ABCA12: variants seen among roughly 807,000 people sequenced by gnomAD.
The protein encoded by ABCA12 is glucosylceramide transporter ABCA12.
In ABCA12, 156 loss-of-function variants were observed where a neutral mutation model predicts 293.5. That is an observed-to-expected ratio of 0.53 (90% CI 0.47 to 0.61). The LOEUF (loss-of-function observed/expected upper bound fraction) is 0.61, where lower values mean the gene tolerates loss of function less well. Among genes scored for constraint, ABCA12 ranks in the 20% least tolerant of loss-of-function variants. The probability of loss-of-function intolerance (pLI) is 0.00; values close to 1 mark genes in which losing one functional copy is unlikely to be tolerated. For synonymous variants in ABCA12, 1,063 were observed against 1,108.0 expected (o/e 0.96, Z 0.81); for missense variants, 2,797 against 3,090.2 (o/e 0.91, Z 2.25).
chr2:215,101,715 C>G (rs1410591936), intron 2 of ABCA12, among the ~76,000 whole-genome samples: 2 of 152,000 alleles, frequency 1.3e-5, no homozygotes, highest in Non-Finnish European at 1.5e-5. Flanking sequence ...AAGAGTAATT[C>G]TCTATTTTTA....
intron 2 of ABCA12, among the ~76,000 whole-genome samples, chr2:215,090,722 T>A (rs555858350): frequency 6.8e-4 from 104 of 152,256 alleles, no homozygotes; most frequent in Non-Finnish European, 1.2e-3. Context: ...TTCACCTTAG[T>A]GGCAAGTACC....
At position 214,987,755 on chromosome 2, in the gene ABCA12, G is replaced by T; in HGVS notation, c.3868C>A (p.Leu1290Ile). The T allele has an allele frequency of 6.2e-7, 1 of 1,613,986 alleles. No individual in the cohort carries two copies. ...GMAAPWYFPI[L>I]PSYWKERFGC... ...AATCGCTCCTTCCAATAGGAAGGAA[G>T]AATTGGAAAATACCAGGGAGCTGCC... The change falls in exon 27 of 53, where the codon CTT becomes ATT. Residue 1290 changes from leucine (L) to isoleucine (I), a missense_variant. By Grantham distance (5) the Leu-to-Ile change is conservative. Coordinates refer to ENST00000272895, the MANE Select transcript of ABCA12 (RefSeq NM_173076.3).
intron 7 of ABCA12, among the ~76,000 whole-genome samples, chr2:215,042,935 A>G (rs79212012): frequency 1.5e-3 from 229 of 152,210 alleles, no homozygotes; most frequent in African/African-American, 5.3e-3. Context: ...AAATGAGATT[A>G]TGTAGTATTT....
chr2:215,092,577 C>G (rs1332545111), intron 2 of ABCA12, among the ~76,000 whole-genome samples: 6 of 152,058 alleles, frequency 3.9e-5, no homozygotes, highest in African/African-American at 1.4e-4. Context: ...TGCTAATACC[C>G]CATCCCACAG....
intron 1 of ABCA12, among the ~76,000 whole-genome samples, chr2:215,127,721 G>T (rs1314133375): frequency 6.6e-6 from 1 of 152,108 alleles, no homozygotes. Flanking sequence ...GGCAGCAGAT[G>T]TTGGTGAGTT....
chr2:214,978,246 G>T lies in ABCA12; in HGVS notation c.5128+70C>A, dbSNP rs1021099450. 7 of 1,572,576 alleles carry T rather than the reference G, an allele frequency of 4.5e-6. No individual in the cohort carries two copies. The African/African-American group carries it at 9.5e-5, about 21-fold the overall frequency. On this transcript the variant is annotated intron_variant, in intron 33 of 52. Coordinates refer to ENST00000272895, the MANE Select transcript of ABCA12 (RefSeq NM_173076.3). Reference sequence around the variant, plus strand: ...TAGAGTTGAATTTTTAAAAATCAAAGTCTGTCTGTGATTTTTCTCATTTAT... The same window carrying T: ...TAGAGTTGAATTTTTAAAAATCAAATTCTGTCTGTGATTTTTCTCATTTAT...
chr2:215,029,116 T>C (rs1014928572), intron 9 of ABCA12: 1 of 152,208 alleles, frequency 6.6e-6, no homozygotes, highest in African/African-American at 2.4e-5. Flanking sequence ...GAGGTTTCAA[T>C]ATAAACATTT....
At chr2:215,034,232 G>A (rs1700943133) in intron 8 of ABCA12, among the ~76,000 whole-genome samples, 1 of 152,178 alleles carries the variant, frequency 6.6e-6, no homozygotes, top group African/African-American at 2.4e-5. Flanking sequence ...CTGGAGCCGA[G>A]CTGAGAATTA....
In ABCA12 at chr2:214,981,971, TATTATTA is replaced by T. The variant is rs1559128733; in HGVS notation, c.4579+209_4579+215del. Among the ~76,000 whole-genome samples the T allele has an allele frequency of 2.0e-3, 263 of 134,612 alleles. 6 individuals are homozygous for T. The highest frequency in any genetic ancestry group is 0.017 in the South Asian group (70 of 4,052). The allele number at this position is 134,612 out of a possible 152,430, so 88.3% of individuals were successfully genotyped here. A position where few individuals can be genotyped will look rare whatever the true frequency, so the allele number is the denominator to read the frequency against. On this transcript the variant is annotated intron_variant, in intron 30 of 52. Coordinates refer to ENST00000272895, the MANE Select transcript of ABCA12 (RefSeq NM_173076.3). ...TTATTATTATTATTATTATTATTATTATTATTATTATTATTTTATTATTATTGACAGC... is the reference window on the plus strand; with the variant it reads ...TTATTATTATTATTATTATTATTATTTTATTATTTTATTATTATTGACAGC...
At chr2:214,962,782 A>C (rs1468201728) in intron 39 of ABCA12, 1 of 152,208 alleles carries the variant, frequency 6.6e-6, no homozygotes, top group African/African-American at 2.4e-5. Flanking sequence ...AAACCACACA[A>C]CTACATGGAA....
chr2:214,958,577 G>C (rs574994930), intron 40 of ABCA12, 123 bp from the exon 41 acceptor site: 3 of 1,012,512 alleles, frequency 3.0e-6, no homozygotes, highest in Non-Finnish European at 4.5e-6. Flanking sequence ...CACAAATAAG[G>C]CATCCTGCAA....
rs1352367164 is a variant in ABCA12 at position 214,955,329 on chromosome 2, G to C, written c.6266C>G (p.Ala2089Gly). The C allele has an allele frequency of 1.2e-6, 2 of 1,614,084 alleles. No homozygotes were observed. Among genetic ancestry groups the C allele is most frequent in the South Asian group, 2.2e-5 (2 of 91,088 alleles). ...CATTCCTGTTTCATGGAAGAGCCCA[G>C]CCAGCAAGTACATCCAGGAAAATGT... ...YATFSWMYLL[A>G]GLFHETGMAF... Residue 2089 changes from alanine to glycine, a missense_variant, in exon 43 of 53, where the codon GCT becomes GGT. Physicochemically the swap from Ala to Gly is moderately conservative, Grantham distance 60 (BLOSUM62 0). This residue lies in a region of ABCA12 where 2,130 missense variants were observed against 2,427.0 expected (regional missense o/e 0.88). Coordinates refer to ENST00000272895, the MANE Select transcript of ABCA12 (RefSeq NM_173076.3).
intron 2 of ABCA12, chr2:215,075,796 C>T (rs1701823286): frequency 4.0e-6 from 2 of 496,976 alleles, no homozygotes; most frequent in Non-Finnish European, 7.0e-6. Context: ...AAATCTGACT[C>T]AGTTATTATC....
intron 9 of ABCA12, among the ~76,000 whole-genome samples, chr2:215,027,819 G>T (rs750725192): frequency 7.9e-5 from 12 of 152,014 alleles, no homozygotes; most frequent in Non-Finnish European, 1.5e-4. Context: ...TGAATTAATG[G>T]GATCCCATTG....
chr2:214,986,798 T>G, intron 27 of ABCA12, 70 bp from the exon 28 acceptor site: 1 of 1,398,684 alleles, frequency 7.1e-7, no homozygotes. Context: ...AGACTTTATC[T>G]TTATTAAAAA....
At position 215,102,104 on chromosome 2, in the gene ABCA12, A is replaced by G. The variant is rs1356826605; in HGVS notation, c.163+9493T>C. Among the ~76,000 whole-genome samples the G allele has an allele frequency of 2.0e-5, 3 of 152,090 alleles. No individual in the cohort carries two copies. The East Asian group carries it at 5.8e-4, about 29-fold the overall frequency. On this transcript the variant is annotated intron_variant, in intron 2 of 52. Transcript: ENST00000272895. The stretch of plus-strand genomic sequence containing the variant: ...CATGCATAGAAAAAAGTCCTAGCAA[A>G]TGTACACTGAAATGTTAACAATGGT...
Position 214,944,552 on chromosome 2 carries a change from G to C in ABCA12, c.7343+449C>G, listed in dbSNP as rs144312353. ...CATCCAGATTGACTGATAGGAGAGG[G>C]TGTTGCAGGGGAAAAAGACTGAGCA... On this transcript the variant is annotated intron_variant, in intron 49 of 52. Coordinates refer to ENST00000272895, the MANE Select transcript of ABCA12 (RefSeq NM_173076.3). Among the ~76,000 whole-genome samples the C allele has an allele frequency of 6.6e-3, 1,004 of 152,222 alleles. 17 individuals are homozygous for C. The highest frequency in any genetic ancestry group is 0.023 in the African/African-American group (943 of 41,528).
chr2:215,008,124 T>TA (rs2105997678), intron 18 of ABCA12, among the ~76,000 whole-genome samples: 1 of 152,298 alleles, frequency 6.6e-6, no homozygotes, highest in Admixed American at 6.5e-5. Flanking sequence ...CTGGAGTTCT[T>TA]ACCAGTTTTT....
At chr2:214,980,420 T>C (rs1699620226) in intron 31 of ABCA12, 63 bp downstream of exon 31, 2 of 1,598,564 alleles carry the variant, frequency 1.3e-6, no homozygotes, top group Admixed American at 3.4e-5. Flanking sequence ...GAGACTCTGC[T>C]CCTATTTCAT....
Sources: gnomAD v4.1 joint callset for allele counts (sites outside exome capture counted in the v4.1 genomes callset) on GRCh38, gnomAD v4.1.1 for gene constraint, gnomAD v4.1.1 regional missense constraint, MANE v1.5 for transcripts, NCBI Gene and HGNC (gene_info 2026-07-23, HGNC 2026-07-21) for gene names.